Variants in KIAA2012 observed in about 807,000 individuals in gnomAD.
KIAA2012 encodes the protein KIAA2012, also known as uncharacterized protein KIAA2012.
In KIAA2012, 125 loss-of-function variants were observed where a neutral mutation model predicts 150.6. The ratio of observed to expected loss-of-function variants is 0.83; its 90% CI spans 0.72 to 0.96. The LOEUF is 0.96. Ranked by LOEUF, KIAA2012 falls within the 40% of genes least tolerant of loss-of-function variation. KIAA2012 has a pLI of 0.00. For synonymous variants in KIAA2012, 462 were observed against 504.7 expected, an observed-to-expected ratio of 0.92 and a Z score of 1.13; for missense variants, 1,219 against 1,354.9, an observed-to-expected ratio of 0.90 and a Z score of 1.57.
chr2:202,084,845 AG>A, intron 2 of KIAA2012, among the ~76,000 whole-genome samples: 2 of 152,186 alleles, frequency 1.3e-5, no homozygotes, highest in African/African-American at 4.8e-5. Context: ...TTTAAAAAAA[AG>A]AGAGAGAAGA....
chr2:202,203,238 T>A (rs563789646), intron 23 of KIAA2012, among the ~76,000 whole-genome samples: 2 of 152,314 alleles, frequency 1.3e-5, no homozygotes, highest in Non-Finnish European at 2.9e-5. Flanking sequence ...AGAGTTTAGA[T>A]AAATGAAAAT....
intron 15 of KIAA2012, chr2:202,179,189 G>A (rs959273667): frequency 8.6e-6 from 5 of 581,304 alleles, no homozygotes; most frequent in African/African-American, 1.9e-5. Flanking sequence ...ACCAGCATCT[G>A]TGTCTATCTG....
chr2:202,193,599 G>T, intron 20 of KIAA2012, 96 bp downstream of exon 20: 3 of 1,250,730 alleles, frequency 2.4e-6, no homozygotes, highest in Non-Finnish European at 3.3e-6. Context: ...TGGTTCTGAG[G>T]CTCATGCCCT....
intron 7 of KIAA2012, among the ~76,000 whole-genome samples, chr2:202,101,251 C>T (rs1690036356): frequency 6.6e-6 from 1 of 152,254 alleles, no homozygotes; most frequent in East Asian, 1.9e-4. Context: ...GTTCCTGAAG[C>T]AGCCATGGGC....
chr2:202,200,880 A>G (rs184940186), intron 22 of KIAA2012, among the ~76,000 whole-genome samples: 1 of 151,684 alleles, frequency 6.6e-6, no homozygotes, highest in Admixed American at 6.6e-5. Context: ...CTAATTTTGT[A>G]TTTTTAGTAG....
chr2:202,153,141 C>G (rs1480679096), intron 13 of KIAA2012, among the ~76,000 whole-genome samples: 1 of 152,186 alleles, frequency 6.6e-6, no homozygotes, highest in African/African-American at 2.4e-5. Flanking sequence ...GTTAGTTACT[C>G]TTTTGTTCAG....
At chr2:202,200,531 T>C (rs1692497402) in intron 22 of KIAA2012, among the ~76,000 whole-genome samples, 1 of 152,028 alleles carries the variant, frequency 6.6e-6, no homozygotes, top group African/African-American at 2.4e-5. Flanking sequence ...CTTTCGGTCC[T>C]GCACCATTGA....
chr2:202,086,167 C>CAAA (rs56207993), intron 2 of KIAA2012, among the ~76,000 whole-genome samples: 11,097 of 89,870 alleles, frequency 0.12, 1,081 homozygotes, highest in African/African-American at 0.23. Context: ...AACTCTGTCT[C>CAAA]AAAAAAAAAA....
At position 202,190,485 on chromosome 2, in the gene KIAA2012, C is replaced by G; in HGVS notation, c.2803C>G (p.Pro935Ala). 1 of 1,521,336 alleles carries G rather than the reference C, an allele frequency of 6.6e-7. No individual in the cohort carries two copies. Among genetic ancestry groups the G allele is most frequent in the Non-Finnish European group, 8.8e-7 (1 of 1,131,844 alleles). The allele number at this position is 1,521,336 out of a possible 1,614,324, so 94.2% of individuals were successfully genotyped here. Residue 935 changes from proline to alanine, a missense_variant, in exon 19 of 24, where the codon CCT becomes GCT. Transcript: ENST00000498697. ...ESKEERRCED[P>A]SKALLTKREQ... ...TAAAGAAGAGAGAAGATGTGAGGAC[C>G]CTTCCAAGGTAGGGTCTGATGTCCT...
At chr2:202,171,767 G>A (rs962982662) in intron 15 of KIAA2012, among the ~76,000 whole-genome samples, 4 of 151,964 alleles carry the variant, frequency 2.6e-5, no homozygotes, top group South Asian at 4.2e-4. Flanking sequence ...CAAACAATTG[G>A]ACTTTTTAAT....
chr2:202,093,197 T>G lies in KIAA2012; in HGVS notation c.685+12T>G. ...ATCTTTTGAACAACGTACGTGTTGA[T>G]TTACATGTTGATTTTATGACCAGTT... On this transcript the variant is annotated intron_variant, in intron 4 of 23. Transcript: ENST00000498697. 1 of 1,550,188 alleles carries G rather than the reference T, an allele frequency of 6.5e-7. No homozygotes were observed.
intron 12 of KIAA2012, chr2:202,136,087 G>A (rs35537724): frequency 0.28 from 109,166 of 392,056 alleles, 16,012 homozygotes; most frequent in African/African-American, 0.32. Flanking sequence ...GAATGAAGCC[G>A]CAGACCTTCG....
At chr2:202,094,515 A>C (rs570653522) in intron 4 of KIAA2012, among the ~76,000 whole-genome samples, 18 of 149,446 alleles carry the variant, frequency 1.2e-4, no homozygotes, top group Admixed American at 3.3e-4. Flanking sequence ...CTTTTATTTT[A>C]TTTTTTATTT....
chr2:202,086,957 C>T (rs10931989), intron 2 of KIAA2012, among the ~76,000 whole-genome samples: 45,786 of 152,070 alleles, frequency 0.3, 7,322 homozygotes, highest in East Asian at 0.38. Flanking sequence ...ATTATATCCA[C>T]ATATCAGAAA....
intron 12 of KIAA2012, among the ~76,000 whole-genome samples, chr2:202,129,651 T>C (rs1401938117): frequency 6.6e-6 from 1 of 152,104 alleles, no homozygotes; most frequent in Non-Finnish European, 1.5e-5. Context: ...TGAAGGTTGA[T>C]TTCAGCTATT....
intron 13 of KIAA2012, among the ~76,000 whole-genome samples, chr2:202,141,330 G>C (rs1403022184): frequency 6.6e-6 from 1 of 152,094 alleles, no homozygotes; most frequent in Non-Finnish European, 1.5e-5. Context: ...AGAAACGAGA[G>C]TAGCAACTGA....
At chr2:202,112,835 C>G (rs907339238) in intron 10 of KIAA2012, among the ~76,000 whole-genome samples, 10 of 152,196 alleles carry the variant, frequency 6.6e-5, no homozygotes, top group African/African-American at 2.4e-4. Context: ...TAGGGAGACA[C>G]AGCATCCTTC....
In KIAA2012 at chr2:202,132,802, AT is replaced by A. The variant is rs1227829333; in HGVS notation, c.1832-5620del. On this transcript the variant is annotated intron_variant, in intron 12 of 23. Transcript: ENST00000498697. The stretch of plus-strand genomic sequence containing the variant: ...TATATATATGCGTATATATATATAT[AT>A]TTTTTTTTTCAGGCCAGGCACAGTG... 4.1e-4 allele frequency among the ~76,000 whole-genome samples: 39 copies of A among 94,688 alleles called. 1 individual carries two copies. The Middle Eastern group carries it at 0.016, about 39-fold the overall frequency. 62.1% of individuals were successfully genotyped at this position (94,688 alleles called of 152,430 possible).
intron 15 of KIAA2012, among the ~76,000 whole-genome samples, chr2:202,177,223 A>G (rs904665668): frequency 6.6e-6 from 1 of 152,238 alleles, no homozygotes; most frequent in Non-Finnish European, 1.5e-5. Flanking sequence ...AATATCATTT[A>G]TGTAAAGTTT....
Sources: allele counts gnomAD v4.1 joint callset (sites outside exome capture counted in the v4.1 genomes callset), GRCh38; gene constraint gnomAD v4.1.1; transcripts MANE v1.5; gene names NCBI Gene and HGNC (gene_info 2026-07-23, HGNC 2026-07-21).